TRAPPC12: variants seen among roughly 807,000 people sequenced by gnomAD.
TRAPPC12 encodes trafficking protein particle complex subunit 12, also known as TPR repeat protein 15.
Under a neutral mutation model 69.2 loss-of-function variants are expected in TRAPPC12, and 61 were observed. The ratio of observed to expected loss-of-function variants is 0.88; its 90% CI spans 0.72 to 1.09. The LOEUF is 1.09. Ranked by LOEUF, TRAPPC12 falls within the 50% of genes least tolerant of loss-of-function variation. The pLI is 0.00. For missense variants in TRAPPC12, 1,101 were observed against 1,016.4 expected, an observed-to-expected ratio of 1.08 and a Z score of -1.13; for synonymous variants, 469 against 438.9, an observed-to-expected ratio of 1.07 and a Z score of -0.86.
At chr2:3,388,980 A>G (rs1660670082) in intron 2 of TRAPPC12, 1 of 298,826 alleles carries the variant, frequency 3.3e-6, no homozygotes, top group East Asian at 5.8e-5. Flanking sequence ...ACTCCAGTTA[A>G]TAATAAATCC....
chr2:3,478,675 C>T (rs1365186093), intron 10 of TRAPPC12, 171 bp from the exon 11 acceptor site: 8 of 595,054 alleles, frequency 1.3e-5, no homozygotes, highest in African/African-American at 5.6e-5. Flanking sequence ...CTTTAATGTG[C>T]GAGCCTGAAT....
intron 3 of TRAPPC12, among the ~76,000 whole-genome samples, chr2:3,410,484 T>G (rs1011069086): frequency 6.6e-6 from 1 of 152,244 alleles, no homozygotes; most frequent in African/African-American, 2.4e-5. Context: ...TTATATGATA[T>G]GTTTTACTAT....
At chr2:3,395,984 CT>C (rs1661106850) in intron 2 of TRAPPC12, among the ~76,000 whole-genome samples, 1 of 152,214 alleles carries the variant, frequency 6.6e-6, no homozygotes, top group African/African-American at 2.4e-5. Flanking sequence ...CTCACCTCAG[CT>C]TCCCAAAGTG....
chr2:3,470,525 C>T (rs1666018384), intron 9 of TRAPPC12, among the ~76,000 whole-genome samples: 2 of 152,250 alleles, frequency 1.3e-5, no homozygotes, highest in African/African-American at 2.4e-5. Context: ...ACCAATCCTG[C>T]CTCCACCAGT....
rs969353268 is a variant in TRAPPC12, at chr2:3,410,423, C to A, written c.1164+8530C>A. ...TTAATAGTTGTGATCTAGTGTGAGA[C>A]ATAGAAAATAAGTCTTAGAATATGA... On this transcript the variant is annotated intron_variant, in intron 3 of 11. Coordinates refer to ENST00000324266, the MANE Select transcript of TRAPPC12 (RefSeq NM_016030.6). Among the ~76,000 whole-genome samples, 14 of 152,072 alleles carry A rather than the reference C, an allele frequency of 9.2e-5. No homozygotes were observed. The East Asian group carries it at 1.5e-3, about 17-fold the overall frequency.
intron 2 of TRAPPC12, among the ~76,000 whole-genome samples, chr2:3,397,951 A>G (rs1398309001): frequency 6.6e-6 from 1 of 152,194 alleles, no homozygotes; most frequent in East Asian, 1.9e-4. Flanking sequence ...AGTTCAACTC[A>G]TGTTTTCCTT....
chr2:3,460,065 A>G, intron 7 of TRAPPC12, 198 bp from the exon 8 acceptor site: 3 of 645,486 alleles, frequency 4.6e-6, no homozygotes, highest in Non-Finnish European at 8.4e-6. Context: ...TCCCAAAGCC[A>G]CCTCTGGTCC....
At chr2:3,433,171 A>C (rs1274051380) in intron 5 of TRAPPC12, among the ~76,000 whole-genome samples, 1 of 152,210 alleles carries the variant, frequency 6.6e-6, no homozygotes, top group African/African-American at 2.4e-5. Context: ...CGTTGAGCAC[A>C]GGCAAACCAA....
chr2:3,429,554 A>G (rs200799754), intron 5 of TRAPPC12, among the ~76,000 whole-genome samples: 3 of 152,150 alleles, frequency 2.0e-5, no homozygotes, highest in Non-Finnish European at 2.9e-5. Flanking sequence ...AATTCTTCAG[A>G]TAGTTGAGGT....
At position 3,388,529 on chromosome 2, in the gene TRAPPC12, G is replaced by A. The variant is rs200068871; in HGVS notation, c.906G>A (p.Glu302=). Residue 302 remains glutamate, a synonymous_variant, in exon 2 of 12, where the codon GAG becomes GAA. Coordinates refer to ENST00000324266, the MANE Select transcript of TRAPPC12 (RefSeq NM_016030.6). ...DPFATALSMS[E]MDRRNDAWLP... ...TTGCCACCGCCCTGAGCATGAGCGAGATGGACCGGAGGAACGACGCCTGGC... is the reference window on the plus strand; with the variant it reads ...TTGCCACCGCCCTGAGCATGAGCGAAATGGACCGGAGGAACGACGCCTGGC... 5.0e-6 allele frequency: 8 copies of A among 1,613,138 alleles called. No homozygotes were observed. Among genetic ancestry groups the A allele is most frequent in the Non-Finnish European group, 6.8e-6 (8 of 1,179,738 alleles).
intron 5 of TRAPPC12, among the ~76,000 whole-genome samples, chr2:3,432,340 C>CA (rs1176704293): frequency 6.6e-6 from 1 of 152,352 alleles, no homozygotes; most frequent in Middle Eastern, 3.4e-3. Flanking sequence ...ACTCTTCCAT[C>CA]AGCTGTCTGC....
intron 3 of TRAPPC12, among the ~76,000 whole-genome samples, chr2:3,421,463 A>T (rs1662780052): frequency 6.6e-6 from 1 of 152,284 alleles, no homozygotes; most frequent in Non-Finnish European, 1.5e-5. Flanking sequence ...ACAGATACAA[A>T]TAAATATGTC....
chr2:3,471,533 C>T (rs905882389), intron 9 of TRAPPC12, among the ~76,000 whole-genome samples: 1 of 152,162 alleles, frequency 6.6e-6, no homozygotes, highest in Admixed American at 6.5e-5. Context: ...AGGGCCTCCA[C>T]ACAGCAAGGG....
chr2:3,478,891 G>C lies in TRAPPC12; in HGVS notation c.1923G>C (p.Arg641Ser). The stretch of plus-strand genomic sequence containing the variant: ...AGAATAACTTTGCAGAAGCCCACAG[G>C]TTCTTCACAGAGATCTTAAGGATGG... ...LGQNNFAEAH[R>S]FFTEILRMDP... Residue 641 changes from arginine to serine, a missense_variant, in exon 11 of 12, where the codon AGG becomes AGC. By Grantham distance (110) the Arg-to-Ser change is moderately radical. Transcript: ENST00000324266. 1 of 1,614,186 alleles carries C rather than the reference G, an allele frequency of 6.2e-7. No homozygotes were observed. Among genetic ancestry groups the C allele is most frequent in the Non-Finnish European group, 8.5e-7 (1 of 1,180,044 alleles).
At chr2:3,451,872 G>T (rs1413702119) in intron 6 of TRAPPC12, among the ~76,000 whole-genome samples, 1 of 152,190 alleles carries the variant, frequency 6.6e-6, no homozygotes, top group Non-Finnish European at 1.5e-5. Flanking sequence ...ACATGTTTCA[G>T]TACAGTGGCC....
At position 3,389,402 on chromosome 2, in the gene TRAPPC12, G is replaced by A. The variant is rs1319407917; in HGVS notation, c.1047+732G>A. The stretch of plus-strand genomic sequence containing the variant: ...GGTCCGGGGGCTGCTCCAACCGCCA[G>A]CATAGGAGCAGGCTTCACACGGGGC... On this transcript the variant is annotated intron_variant, in intron 2 of 11. Coordinates refer to ENST00000324266, the MANE Select transcript of TRAPPC12 (RefSeq NM_016030.6). 2.0e-5 allele frequency among the ~76,000 whole-genome samples: 3 copies of A among 152,372 alleles called. No homozygotes were observed. The East Asian group carries it at 5.8e-4, about 29-fold the overall frequency.
At chr2:3,450,493 C>T (rs1348421281) in intron 6 of TRAPPC12, among the ~76,000 whole-genome samples, 1 of 152,202 alleles carries the variant, frequency 6.6e-6, no homozygotes, top group Non-Finnish European at 1.5e-5. Context: ...AGCCCTCCAG[C>T]CTGTGTCCGC....
intron 5 of TRAPPC12, among the ~76,000 whole-genome samples, chr2:3,439,579 G>C (rs1345939745): frequency 6.6e-6 from 1 of 151,616 alleles, no homozygotes; most frequent in African/African-American, 2.4e-5. Context: ...CATATATGTT[G>C]AATACAAGTT....
rs1662282174 is a variant in TRAPPC12 at position 3,414,856 on chromosome 2, A to G, written c.1165-7025A>G. 6.6e-6 allele frequency among the ~76,000 whole-genome samples: 1 copy of G among 152,118 alleles called. No homozygotes were observed. The highest frequency in any genetic ancestry group is 2.4e-5 in the African/African-American group (1 of 41,406). On this transcript the variant is annotated intron_variant, in intron 3 of 11. Transcript: ENST00000324266. The surrounding 1 kb of genome is among the most constrained non-coding windows in gnomAD (Gnocchi z 4.9). The stretch of plus-strand genomic sequence containing the variant: ...GTATGTGTGCATGTATGTATTTCTT[A>G]TGGACATCACGTACGTTGGCCCTTC...
Sources: gnomAD v4.1 joint callset for allele counts (sites outside exome capture counted in the v4.1 genomes callset) on GRCh38, gnomAD v4.1.1 for gene constraint, Gnocchi (gnomAD v3.1) non-coding constraint, MANE v1.5 for transcripts, NCBI Gene and HGNC (gene_info 2026-07-23, HGNC 2026-07-21) for gene names.